The following ZBTB20 variants were observed in gnomAD, a reference collection of about 807,000 sequenced individuals.
The protein encoded by ZBTB20 is zinc finger and BTB domain containing 20, also known as zinc finger and BTB domain-containing protein 20.
In ZBTB20, 9 loss-of-function variants were observed where a neutral mutation model predicts 56.9. The observed-to-expected ratio is 0.16, with a 90% confidence interval of 0.10 to 0.28. ZBTB20 has a LOEUF of 0.28. ZBTB20 is among the 10% of genes least tolerant of loss of function. The pLI, the probability that ZBTB20 is intolerant of heterozygous loss-of-function variation, is 1.00. For synonymous variants in ZBTB20, 417 were observed against 420.7 expected (o/e 0.99, Z 0.11); for missense variants, 655 against 1,003.0 (o/e 0.65, Z 4.69).
intron 7 of ZBTB20, among the ~76,000 whole-genome samples, chr3:114,464,633 T>C (rs2092464752): frequency 6.6e-6 from 1 of 152,158 alleles, no homozygotes; most frequent in Non-Finnish European, 1.5e-5. Context: ...AATGAATAAA[T>C]AAAGCTCTAG....
chr3:114,566,508 T>TA (rs2052771183), intron 6 of ZBTB20, among the ~76,000 whole-genome samples: 1 of 152,194 alleles, frequency 6.6e-6, no homozygotes. Flanking sequence ...CTAAGACCTT[T>TA]AGATGTGACA....
chr3:114,734,917 C>T (rs548226467), intron 5 of ZBTB20, among the ~76,000 whole-genome samples: 11 of 152,100 alleles, frequency 7.2e-5, no homozygotes, highest in South Asian at 2.1e-4. Flanking sequence ...GAGCCTAACA[C>T]GCACATCTTT....
intron 1 of ZBTB20, chr3:115,102,534 T>C (rs1262197519): frequency 6.6e-6 from 1 of 152,112 alleles, no homozygotes; most frequent in Non-Finnish European, 1.5e-5. Flanking sequence ...TTTTATTTTG[T>C]TTCATTTTGT....
chr3:114,837,926 C>G (rs777470660), intron 4 of ZBTB20, among the ~76,000 whole-genome samples: 2 of 152,118 alleles, frequency 1.3e-5, no homozygotes, highest in Non-Finnish European at 2.9e-5. Context: ...AAATGACTCT[C>G]TCATGAATTA....
intron 6 of ZBTB20, among the ~76,000 whole-genome samples, chr3:114,668,475 A>G (rs1262014021): frequency 1.3e-5 from 2 of 152,070 alleles, no homozygotes; most frequent in Admixed American, 6.6e-5. Flanking sequence ...TTGTTTGACA[A>G]GTAATCTCCA....
intron 5 of ZBTB20, among the ~76,000 whole-genome samples, chr3:114,732,251 T>C (rs1451443562): frequency 3.3e-5 from 5 of 152,174 alleles, no homozygotes; most frequent in Non-Finnish European, 5.9e-5. Context: ...ACATGGATGG[T>C]AGTAATTGAC....
At chr3:115,121,753 T>C (rs181913071) in intron 1 of ZBTB20, among the ~76,000 whole-genome samples, 9 of 152,164 alleles carry the variant, frequency 5.9e-5, no homozygotes, top group Admixed American at 3.3e-4. Flanking sequence ...TTTAAATTCA[T>C]ATAATCGCTA....
At chr3:114,544,913 C>G (rs888695341) in intron 6 of ZBTB20, among the ~76,000 whole-genome samples, 1 of 152,122 alleles carries the variant, frequency 6.6e-6, no homozygotes, top group African/African-American at 2.4e-5. Context: ...GATAGTATGT[C>G]TAGGAACTAA....
At chr3:114,467,462 T>C (rs1014877336) in intron 7 of ZBTB20, among the ~76,000 whole-genome samples, 4 of 152,284 alleles carry the variant, frequency 2.6e-5, no homozygotes, top group South Asian at 2.1e-4. Flanking sequence ...ATGCTTCAAA[T>C]GCTTCAAGAA....
At chr3:114,917,811 C>T (rs372569986) in intron 3 of ZBTB20, among the ~76,000 whole-genome samples, 1 of 152,208 alleles carries the variant, frequency 6.6e-6, no homozygotes, top group Non-Finnish European at 1.5e-5. Flanking sequence ...ACCACTGAGA[C>T]TGTGCTGGGT....
At chr3:114,779,747 A>T (rs1282345894) in intron 5 of ZBTB20, among the ~76,000 whole-genome samples, 1 of 152,218 alleles carries the variant, frequency 6.6e-6, no homozygotes, top group Non-Finnish European at 1.5e-5. Context: ...TCAAGAGTCA[A>T]GAACATTTGG....
chr3:114,531,342 T>C (rs190701093), intron 6 of ZBTB20, among the ~76,000 whole-genome samples: 2 of 152,232 alleles, frequency 1.3e-5, no homozygotes, highest in Admixed American at 6.5e-5. Context: ...TTTGAGATTT[T>C]AGCCTAAGTT....
chr3:114,702,098 G>A (rs554847050), intron 5 of ZBTB20, among the ~76,000 whole-genome samples: 23 of 152,310 alleles, frequency 1.5e-4, no homozygotes, highest in African/African-American at 5.5e-4. Context: ...GTCGCTTTGG[G>A]AGGCTGAGGT....
At chr3:114,359,185 TAATC>T (rs1156966606) in intron 10 of ZBTB20, among the ~76,000 whole-genome samples, 1 of 152,294 alleles carries the variant, frequency 6.6e-6, no homozygotes, top group East Asian at 1.9e-4. Flanking sequence ...GGTGAGGGCA[TAATC>T]AATCAATCAA....
intron 2 of ZBTB20, among the ~76,000 whole-genome samples, chr3:115,045,114 C>T (rs1257312860): frequency 1.3e-5 from 2 of 152,162 alleles, no homozygotes; most frequent in South Asian, 2.1e-4. Flanking sequence ...AATGAAGTAT[C>T]TTCATGCCAT....
chr3:114,977,150 G>C (rs971746420), intron 2 of ZBTB20, among the ~76,000 whole-genome samples: 5 of 152,194 alleles, frequency 3.3e-5, no homozygotes, highest in African/African-American at 1.2e-4. Context: ...CATGCTGTCT[G>C]ACTCCATCAG....
chr3:114,434,991 C>G (rs1290281713), intron 7 of ZBTB20, among the ~76,000 whole-genome samples: 2 of 152,132 alleles, frequency 1.3e-5, no homozygotes. Context: ...AATGCTCACA[C>G]AACTTGGGAC....
intron 7 of ZBTB20, among the ~76,000 whole-genome samples, chr3:114,475,379 CAT>C (rs749872533): frequency 1.3e-5 from 2 of 152,142 alleles, no homozygotes; most frequent in African/African-American, 2.4e-5. Context: ...AAAGTAGACA[CAT>C]GTCTCAGCTC....
chr3:114,757,216 G>A (rs771450718), intron 5 of ZBTB20, among the ~76,000 whole-genome samples: 2 of 152,040 alleles, frequency 1.3e-5, no homozygotes, highest in Non-Finnish European at 2.9e-5. Flanking sequence ...AACTCCACAG[G>A]TATTCATATT....
Sources: allele counts gnomAD v4.1 joint callset (sites outside exome capture counted in the v4.1 genomes callset), GRCh38; gene constraint gnomAD v4.1.1; transcripts MANE v1.5; gene names NCBI Gene and HGNC (gene_info 2026-07-23, HGNC 2026-07-21).